The following XYLB variants were observed in gnomAD, a reference collection of about 807,000 sequenced individuals.
XYLB encodes xylulose kinase.
XYLB carries 62 observed loss-of-function variants against 78.7 expected under a neutral mutation model. The observed-to-expected ratio is 0.79, with a 90% confidence interval of 0.64 to 0.97. The LOEUF is 0.97. XYLB is among the 50% of genes least tolerant of loss of function. The pLI is 0.00. For synonymous variants in XYLB, 245 were observed against 247.4 expected (o/e 0.99, Z 0.09); for missense variants, 687 against 676.8 (o/e 1.02, Z -0.17).
At chr3:38,370,988 G>A (rs1706526681) in intron 9 of XYLB, among the ~76,000 whole-genome samples, 1 of 152,182 alleles carries the variant, frequency 6.6e-6, no homozygotes, top group Admixed American at 6.5e-5. Flanking sequence ...ACAGAGTGCT[G>A]GTGTGAAGAA....
intron 2 of XYLB, among the ~76,000 whole-genome samples, chr3:38,351,484 A>G (rs1705362903): frequency 6.6e-6 from 1 of 152,134 alleles, no homozygotes; most frequent in South Asian, 2.1e-4. Flanking sequence ...TTCCTTCCCC[A>G]TCACCTCAAT....
chr3:38,389,812 G>C (rs1707574349), intron 15 of XYLB, among the ~76,000 whole-genome samples: 1 of 152,128 alleles, frequency 6.6e-6, no homozygotes. Context: ...TGCTTCCATA[G>C]TAGTTCACTG....
intron 2 of XYLB, among the ~76,000 whole-genome samples, chr3:38,359,779 C>G (rs1432510679): frequency 6.6e-6 from 1 of 152,188 alleles, no homozygotes; most frequent in East Asian, 1.9e-4. Flanking sequence ...ACATGGTTAT[C>G]TAATAGCATC....
chr3:38,353,771 C>T (rs1015346599), intron 2 of XYLB, among the ~76,000 whole-genome samples: 3 of 151,368 alleles, frequency 2.0e-5, no homozygotes, highest in African/African-American at 7.3e-5. Context: ...CCTGTAGTCT[C>T]AGCTACTTGG....
intron 16 of XYLB, among the ~76,000 whole-genome samples, chr3:38,395,886 C>T (rs1056634418): frequency 2.6e-5 from 4 of 152,232 alleles, no homozygotes; most frequent in African/African-American, 9.6e-5. Flanking sequence ...TTCCTCAAGG[C>T]CTCTGCCTTC....
chr3:38,398,738 A>T (rs1298441320), intron 17 of XYLB, among the ~76,000 whole-genome samples: 1 of 135,658 alleles, frequency 7.4e-6, no homozygotes. Context: ...ACTTCCTGAC[A>T]TTTCGGTTGG....
intron 12 of XYLB, 141 bp downstream of exon 12, chr3:38,375,400 A>AC (rs1706801209): frequency 1.4e-6 from 1 of 701,946 alleles, no homozygotes; most frequent in Non-Finnish European, 2.4e-6. Context: ...GGCAACTGAG[A>AC]CCCCCAAGGA....
chr3:38,374,704 A>G (rs1221702404), intron 11 of XYLB, among the ~76,000 whole-genome samples: 1 of 152,088 alleles, frequency 6.6e-6, no homozygotes, highest in Non-Finnish European at 1.5e-5. Context: ...TCTTTCTCAG[A>G]AAGTCATTGT....
At chr3:38,429,597 A>C in the XYLB span, among the ~76,000 whole-genome samples, 64,450 of 151,918 alleles carry the variant, frequency 0.42, 15,934 homozygotes, top group Non-Finnish European at 0.57. Flanking sequence ...TTCTAGGGTA[A>C]ATGTGCACAA....
At chr3:38,398,851 C>T (rs1012057798) in intron 17 of XYLB, among the ~76,000 whole-genome samples, 6 of 150,812 alleles carry the variant, frequency 4.0e-5, no homozygotes, top group Admixed American at 6.6e-5. Context: ...GGTGAAACCC[C>T]GTCTCTACTA....
chr3:38,376,260 G>A, intron 13 of XYLB, 28 bp downstream of exon 13: 5 of 1,525,356 alleles, frequency 3.3e-6, no homozygotes, highest in Non-Finnish European at 4.5e-6. Flanking sequence ...GCCCAGGCCT[G>A]TGAAGGGTCA....
At chr3:38,403,408 G>T (rs1222226648) in intron 18 of XYLB, among the ~76,000 whole-genome samples, 1 of 152,180 alleles carries the variant, frequency 6.6e-6, no homozygotes, top group Non-Finnish European at 1.5e-5. Flanking sequence ...AGTATGCAAA[G>T]GTATACATGG....
chr3:38,436,961 A>G, the XYLB span, among the ~76,000 whole-genome samples: 430 of 151,018 alleles, frequency 2.8e-3, 7 homozygotes, highest in African/African-American at 9.7e-3. Context: ...CTGAGATCAC[A>G]CCACTGCACT....
At chr3:38,445,894 CT>C in the XYLB span, among the ~76,000 whole-genome samples, 4 of 152,172 alleles carry the variant, frequency 2.6e-5, no homozygotes, top group African/African-American at 9.7e-5. Flanking sequence ...TCCAATGGTA[CT>C]CACTGCTTGA....
downstream of XYLB, among the ~76,000 whole-genome samples, chr3:38,423,767 C>T (rs1709047645): frequency 6.6e-6 from 1 of 152,128 alleles, no homozygotes; most frequent in Admixed American, 6.5e-5. Flanking sequence ...TTGTGCTGCC[C>T]CCACTCAGGA....
intron 15 of XYLB, among the ~76,000 whole-genome samples, chr3:38,389,865 C>T (rs1707577008): frequency 6.6e-6 from 1 of 152,184 alleles, no homozygotes; most frequent in Non-Finnish European, 1.5e-5. Context: ...ATATTGGAGA[C>T]TCTTCCAGAT....
At position 38,411,273 on chromosome 3, in the gene XYLB, C is replaced by T. The variant is rs185219996; in HGVS notation, c.1534-1663C>T. Among the ~76,000 whole-genome samples, 2,241 of 152,088 alleles carry T rather than the reference C, an allele frequency of 0.015. 114 individuals are homozygous for T. In the East Asian group the frequency reaches 0.16, roughly 11 times the overall value. On this transcript the variant is annotated intron_variant, in intron 18 of 18. Coordinates refer to ENST00000207870, the MANE Select transcript of XYLB (RefSeq NM_005108.4). ...GAAATCATCATTCTCTGTAAACTAT[C>T]GCAAGGACAAAAAACCAAACACCAC... is the stretch of plus-strand genomic sequence containing the variant.
At chr3:38,349,839 C>G (rs1705263528) in intron 2 of XYLB, among the ~76,000 whole-genome samples, 1 of 152,154 alleles carries the variant, frequency 6.6e-6, no homozygotes, top group Non-Finnish European at 1.5e-5. Context: ...ATGGTGGTCA[C>G]TCGGTGCAGG....
the XYLB span, among the ~76,000 whole-genome samples, chr3:38,437,443 C>T: frequency 6.6e-6 from 1 of 152,174 alleles, no homozygotes; most frequent in East Asian, 1.9e-4. Flanking sequence ...GAAAAGGCAT[C>T]CATATTGCAA....
Sources: allele counts gnomAD v4.1 joint callset (sites outside exome capture counted in the v4.1 genomes callset), GRCh38; gene constraint gnomAD v4.1.1; transcripts MANE v1.5; gene names NCBI Gene and HGNC (gene_info 2026-07-23, HGNC 2026-07-21).